The following DNAH11 variants were observed in gnomAD, a reference collection of about 807,000 sequenced individuals.
DNAH11 encodes the protein dynein axonemal heavy chain 11.
Under a neutral mutation model 526.0 loss-of-function variants are expected in DNAH11, and 442 were observed. The ratio of observed to expected loss-of-function variants is 0.84; its 90% CI spans 0.78 to 0.91. The LOEUF (loss-of-function observed/expected upper bound fraction) is 0.91, where lower values mean the gene tolerates loss of function less well. Among genes scored for constraint, DNAH11 ranks in the 40% least tolerant of loss-of-function variants. The pLI is 0.00. For missense variants in DNAH11, 6,989 were observed against 5,448.7 expected (o/e 1.28, Z -8.90); for synonymous variants, 2,461 against 1,935.9 (o/e 1.27, Z -7.12).
chr7:21,893,976 ACT>A (rs1392219884), intron 77 of DNAH11, among the ~76,000 whole-genome samples: 1 of 152,074 alleles, frequency 6.6e-6, no homozygotes, highest in Non-Finnish European at 1.5e-5. Flanking sequence ...GCAACCTCTA[ACT>A]CTCGGATTCA....
intron 25 of DNAH11, among the ~76,000 whole-genome samples, chr7:21,634,489 G>A (rs1786765458): frequency 6.6e-6 from 1 of 152,186 alleles, no homozygotes; most frequent in South Asian, 2.1e-4. Context: ...ACCTAGAGTA[G>A]AGAAAAATGA....
intron 65 of DNAH11, among the ~76,000 whole-genome samples, chr7:21,823,905 C>T (rs1790161301): frequency 6.6e-6 from 1 of 152,104 alleles, no homozygotes; most frequent in Non-Finnish European, 1.5e-5. Context: ...TTCAGGGTGC[C>T]TGCTAAAACC....
At position 21,564,276 on chromosome 7, in the gene DNAH11, G is replaced by C; in HGVS notation, c.1073G>C (p.Arg358Pro). 1.9e-6 allele frequency: 3 copies of C among 1,613,468 alleles called. No individual in the cohort carries two copies. Among genetic ancestry groups the C allele is most frequent in the Non-Finnish European group, 2.5e-6 (3 of 1,179,636 alleles). ...CLQETEFPQT[R>P]ILIAPLFHTI... Reference sequence around the variant, plus strand: ...CAGGAGACGGAATTCCCACAGACACGCATATTAATCGCTCCATTATTTCAT... The same window carrying C: ...CAGGAGACGGAATTCCCACAGACACCCATATTAATCGCTCCATTATTTCAT... Residue 358 changes from arginine (R) to proline (P), a missense_variant, in exon 6 of 82, where the codon CGC becomes CCC. By Grantham distance (103) the Arg-to-Pro change is moderately radical. Coordinates refer to ENST00000409508, the MANE Select transcript of DNAH11 (RefSeq NM_001277115.2).
intron 54 of DNAH11, among the ~76,000 whole-genome samples, chr7:21,754,979 T>C (rs1318558535): frequency 6.6e-6 from 1 of 152,222 alleles, no homozygotes; most frequent in East Asian, 1.9e-4. Flanking sequence ...TCAGAATTTC[T>C]GATGAGCTGA....
chr7:21,579,749 C>T (rs1386844294), intron 8 of DNAH11, among the ~76,000 whole-genome samples: 1 of 152,124 alleles, frequency 6.6e-6, no homozygotes, highest in Non-Finnish European at 1.5e-5. Flanking sequence ...TTAAAGGATT[C>T]TAAATAAGAA....
intron 10 of DNAH11, 36 bp downstream of exon 10, chr7:21,588,237 T>C: frequency 6.3e-7 from 1 of 1,587,582 alleles, no homozygotes; most frequent in Non-Finnish European, 8.6e-7. Context: ...ATTTACAATA[T>C]CATTTAGGCG....
intron 68 of DNAH11, 92 bp from the exon 69 acceptor site, chr7:21,861,759 TAG>T: frequency 6.7e-7 from 1 of 1,497,088 alleles, no homozygotes; most frequent in African/African-American, 1.4e-5. Flanking sequence ...TCACTCCCTA[TAG>T]ATAAACCTTA....
intron 65 of DNAH11, 136 bp downstream of exon 65, chr7:21,818,475 C>A: frequency 1.1e-6 from 1 of 877,750 alleles, no homozygotes; most frequent in Non-Finnish European, 1.7e-6. Context: ...ACCTACACTC[C>A]AAGACCAAAG....
chr7:21,850,142 G>C (rs967965930), intron 66 of DNAH11, among the ~76,000 whole-genome samples: 3 of 151,560 alleles, frequency 2.0e-5, no homozygotes, highest in Admixed American at 2.0e-4. Flanking sequence ...GGATCACAAG[G>C]TCAGGAGATT....
At chr7:21,685,233 A>C (rs1397244792) in intron 32 of DNAH11, among the ~76,000 whole-genome samples, 24 of 152,232 alleles carry the variant, frequency 1.6e-4, no homozygotes, top group Admixed American at 1.5e-3. Context: ...AAGTCACTTG[A>C]GAATAGTCAA....
In DNAH11 at chr7:21,591,601, A is replaced by T. The variant is rs537848798; in HGVS notation, c.2667+24A>T. The T allele has an allele frequency of 1.3e-5, 20 of 1,502,026 alleles. No individual in the cohort carries two copies. The African/African-American group carries it at 2.8e-4, about 21-fold the overall frequency. The allele number at this position is 1,502,026 out of a possible 1,614,324, so 93.0% of individuals were successfully genotyped here. A position where few individuals can be genotyped will look rare whatever the true frequency, so the allele number is the denominator to read the frequency against. ...AGGTAATGGCTTTTAACCTTTCAAG[A>T]TTTATAGATCTTTTCATTGAGTTCA... On this transcript the variant is annotated intron_variant, in intron 14 of 81. Transcript: ENST00000409508.
intron 29 of DNAH11, among the ~76,000 whole-genome samples, chr7:21,657,460 A>T (rs1026074313): frequency 4.6e-5 from 7 of 152,152 alleles, no homozygotes; most frequent in Admixed American, 4.6e-4. Flanking sequence ...AAGCATACTG[A>T]GTTAGGTTGC....
chr7:21,761,183 C>T (rs149754234), intron 54 of DNAH11, among the ~76,000 whole-genome samples: 72 of 152,212 alleles, frequency 4.7e-4, no homozygotes, highest in African/African-American at 1.7e-3. Context: ...ACACCACTAG[C>T]AAGGAAAGCT....
At chr7:21,837,275 T>A (rs1191644902) in intron 65 of DNAH11, among the ~76,000 whole-genome samples, 1 of 152,192 alleles carries the variant, frequency 6.6e-6, no homozygotes, top group Non-Finnish European at 1.5e-5. Context: ...CAAAAAGATA[T>A]CTGCACTTGC....
chr7:21,882,593 C>T (rs768921555), intron 75 of DNAH11, among the ~76,000 whole-genome samples: 9 of 152,070 alleles, frequency 5.9e-5, no homozygotes, highest in African/African-American at 1.2e-4. Context: ...TCCAGAAGTT[C>T]GACACCAGCC....
Position 21,636,552 on chromosome 7 carries a change from T to TA in DNAH11, c.4725+457_4725+458insA, listed in dbSNP as rs1786874820. Among the ~76,000 whole-genome samples, 3 of 152,176 alleles carry TA rather than the reference T, an allele frequency of 2.0e-5. No individual in the cohort carries two copies. The South Asian group carries it at 6.2e-4, about 32-fold the overall frequency. On this transcript the variant is annotated intron_variant, in intron 26 of 81. Coordinates refer to ENST00000409508, the MANE Select transcript of DNAH11 (RefSeq NM_001277115.2). ...GAGTTCGAGACAAGCCTAGGCAGTA[T>TA]GGTGAGATCCCTTCTCTACTAAAAA...
intron 79 of DNAH11, 45 bp from the exon 80 acceptor site, chr7:21,899,291 A>C (rs763386721): frequency 4.0e-6 from 6 of 1,513,036 alleles, no homozygotes; most frequent in Middle Eastern, 1.7e-4. Context: ...GAAAATGGCT[A>C]TTTTACTGAA....
At chr7:21,875,766 G>A (rs770202285) in intron 74 of DNAH11, among the ~76,000 whole-genome samples, 18 of 152,032 alleles carry the variant, frequency 1.2e-4, no homozygotes, top group Non-Finnish European at 2.4e-4. Flanking sequence ...ACCTGTTCTG[G>A]TCTTTTCATG....
rs1167919171 is a variant in DNAH11, at chr7:21,744,956, G to A, written c.8403G>A (p.Val2801=). 1 of 1,610,236 alleles carries A rather than the reference G, an allele frequency of 6.2e-7. No homozygotes were observed. Among genetic ancestry groups the A allele is most frequent in the Non-Finnish European group, 8.5e-7 (1 of 1,178,192 alleles). Residue 2801 remains valine (V), a synonymous_variant, in exon 51 of 82, where the codon GTG becomes GTA. Transcript: ENST00000409508. ...GGAAGGACCCACATTACATGCCAGT[G>A]AAGGACTGGGAAGTGCTGAAGACGA... is the stretch of plus-strand genomic sequence containing the variant. ...DRGKDPHYMP[V]KDWEVLKTIL...
Sources: gnomAD v4.1 joint callset for allele counts (sites outside exome capture counted in the v4.1 genomes callset) on GRCh38, gnomAD v4.1.1 for gene constraint, MANE v1.5 for transcripts, NCBI Gene and HGNC (gene_info 2026-07-23, HGNC 2026-07-21) for gene names.